FTO: variants seen among roughly 807,000 people sequenced by gnomAD.
FTO encodes the protein FTO alpha-ketoglutarate dependent dioxygenase.
In FTO, 47 loss-of-function variants were observed where a neutral mutation model predicts 63.9. The observed-to-expected ratio is 0.74, with a 90% CI of 0.58 to 0.94. The LOEUF is 0.94. FTO is among the 40% of genes least tolerant of loss of function. The pLI is 0.00. For missense variants in FTO, 562 were observed against 618.1 expected, an observed-to-expected ratio of 0.91 and a Z score of 0.96; for synonymous variants, 207 against 224.4, an observed-to-expected ratio of 0.92 and a Z score of 0.69.
intron 1 of FTO, among the ~76,000 whole-genome samples, chr16:53,705,726 T>C (rs2075597639): frequency 1.3e-5 from 2 of 152,214 alleles, no homozygotes; most frequent in Admixed American, 1.3e-4. Flanking sequence ...ACCCTTCTGC[T>C]TTAGTCTACA....
chr16:53,958,104 G>C (rs17822953), intron 8 of FTO, among the ~76,000 whole-genome samples: 14,087 of 152,212 alleles, frequency 0.093, 667 homozygotes, highest in South Asian at 0.13. Flanking sequence ...GTCTAAAATA[G>C]CAACTTTTCC....
chr16:53,819,418 C>T (rs761631892), intron 2 of FTO, among the ~76,000 whole-genome samples: 9 of 152,284 alleles, frequency 5.9e-5, no homozygotes, highest in East Asian at 1.9e-4. Flanking sequence ...GCAATACACC[C>T]GCCTGAGTCT....
At chr16:53,860,487 C>T (rs1464639865) in intron 4 of FTO, among the ~76,000 whole-genome samples, 1 of 152,184 alleles carries the variant, frequency 6.6e-6, no homozygotes, top group Non-Finnish European at 1.5e-5. Flanking sequence ...CACAGTTCCC[C>T]AGGCTGTTCA....
intron 1 of FTO, among the ~76,000 whole-genome samples, chr16:53,752,668 C>T (rs2076826554): frequency 6.6e-6 from 1 of 152,158 alleles, no homozygotes; most frequent in African/African-American, 2.4e-5. Flanking sequence ...CTTCAATTCA[C>T]CCTCCAACCA....
At chr16:54,031,664 A>G (rs543529306) in intron 8 of FTO, among the ~76,000 whole-genome samples, 3 of 152,210 alleles carry the variant, frequency 2.0e-5, no homozygotes, top group Non-Finnish European at 4.4e-5. Flanking sequence ...GATGTTTTCT[A>G]TGAAGCAATG....
At chr16:53,979,862 G>A (rs2083503899) in intron 8 of FTO, among the ~76,000 whole-genome samples, 1 of 152,128 alleles carries the variant, frequency 6.6e-6, no homozygotes, top group South Asian at 2.1e-4. Flanking sequence ...AGCTCCTTGG[G>A]TGCTTGCACC....
intron 6 of FTO, among the ~76,000 whole-genome samples, chr16:53,885,903 A>G (rs1001800473): frequency 2.6e-5 from 4 of 152,146 alleles, no homozygotes; most frequent in Non-Finnish European, 5.9e-5. Flanking sequence ...GCGTGCCACC[A>G]CAACCATCTA....
At chr16:53,983,271 G>A (rs1040030615) in intron 8 of FTO, among the ~76,000 whole-genome samples, 1 of 152,022 alleles carries the variant, frequency 6.6e-6, no homozygotes, top group South Asian at 2.1e-4. Context: ...AATAAGCATA[G>A]AATGTATTTA....
intron 4 of FTO, among the ~76,000 whole-genome samples, chr16:53,852,302 A>G (rs949081149): frequency 6.6e-6 from 1 of 152,014 alleles, no homozygotes; most frequent in African/African-American, 2.4e-5. Context: ...AAAAGAAAAA[A>G]GAATTATGGA....
chr16:53,892,809 T>C (rs2081184869), intron 7 of FTO, among the ~76,000 whole-genome samples: 1 of 152,186 alleles, frequency 6.6e-6, no homozygotes, highest in African/African-American at 2.4e-5. Context: ...CTTTGTGCTC[T>C]TTTTTCACTT....
At chr16:53,784,894 AT>A (rs1233550608) in intron 1 of FTO, among the ~76,000 whole-genome samples, 1 of 152,010 alleles carries the variant, frequency 6.6e-6, no homozygotes, top group Non-Finnish European at 1.5e-5. Flanking sequence ...GGTATAGTGT[AT>A]GTGGGAGTGC....
At chr16:53,778,318 T>A (rs1280007534) in intron 1 of FTO, among the ~76,000 whole-genome samples, 2 of 152,198 alleles carry the variant, frequency 1.3e-5, no homozygotes, top group Non-Finnish European at 2.9e-5. Flanking sequence ...CTTGATTTAA[T>A]CATTCCACAA....
chr16:54,088,456 G>C (rs2086297948), intron 8 of FTO, among the ~76,000 whole-genome samples: 1 of 152,150 alleles, frequency 6.6e-6, no homozygotes, highest in African/African-American at 2.4e-5. Context: ...TTAATGGCAT[G>C]CTTAACTAGC....
intron 8 of FTO, among the ~76,000 whole-genome samples, chr16:54,099,955 C>T (rs981070844): frequency 1.3e-5 from 2 of 152,118 alleles, no homozygotes; most frequent in Non-Finnish European, 2.9e-5. Flanking sequence ...ACGTATGTCT[C>T]CCCCACCGCA....
Position 53,844,318 on chromosome 16 carries a change from A to G in FTO, c.895+20A>G. On this transcript the variant is annotated intron_variant, in intron 4 of 8. Coordinates refer to ENST00000471389, the MANE Select transcript of FTO (RefSeq NM_001080432.3). ...TGCTTGGTAATCTTTGGAAAATCAAAATTATATTGAAACTCTAGTGTCTAA... is the reference window on the plus strand; with the variant it reads ...TGCTTGGTAATCTTTGGAAAATCAAGATTATATTGAAACTCTAGTGTCTAA... 1 of 1,584,674 alleles carries G rather than the reference A, an allele frequency of 6.3e-7. No individual in the cohort carries two copies. The highest frequency in any genetic ancestry group is 8.7e-7 in the Non-Finnish European group (1 of 1,153,580).
chr16:53,934,296 T>C (rs1178663206), intron 8 of FTO, among the ~76,000 whole-genome samples, 187 bp downstream of exon 8: 3 of 152,362 alleles, frequency 2.0e-5, no homozygotes, highest in African/African-American at 7.2e-5. Context: ...TAATGATCCA[T>C]TGACGTCATC....
At chr16:53,828,453 C>T (rs567955022) in intron 3 of FTO, among the ~76,000 whole-genome samples, 12 of 152,124 alleles carry the variant, frequency 7.9e-5, no homozygotes, top group South Asian at 6.2e-4. Context: ...ATGATCCGCC[C>T]ACCTCGGCCT....
intron 7 of FTO, among the ~76,000 whole-genome samples, chr16:53,897,343 G>T (rs762361438): frequency 2.6e-5 from 4 of 151,938 alleles, no homozygotes; most frequent in Admixed American, 6.6e-5. Flanking sequence ...TCTCCTACTT[G>T]TTTTTGATTG....
At chr16:53,873,257 T>C (rs1459030055) in intron 4 of FTO, among the ~76,000 whole-genome samples, 2 of 152,118 alleles carry the variant, frequency 1.3e-5, no homozygotes, top group African/African-American at 4.8e-5. Context: ...TCAATTCATA[T>C]ATAGTGAATT....
Sources: allele counts gnomAD v4.1 joint callset (sites outside exome capture counted in the v4.1 genomes callset), GRCh38; gene constraint gnomAD v4.1.1; transcripts MANE v1.5; gene names NCBI Gene and HGNC (gene_info 2026-07-23, HGNC 2026-07-21).